The following BLNK variants were observed in gnomAD, a reference collection of about 807,000 sequenced individuals.
The protein encoded by BLNK is B cell linker, also known as B-cell linker protein.
A neutral mutation model predicts 73.5 loss-of-function variants in BLNK; 29 were observed. That is an observed-to-expected ratio of 0.39 (90% CI 0.29 to 0.54). BLNK has a LOEUF of 0.54. Among genes scored for constraint, BLNK ranks in the 20% least tolerant of loss-of-function variants. BLNK has a pLI of 0.61. For missense variants in BLNK, 460 were observed against 562.8 expected, an observed-to-expected ratio of 0.82 and a Z score of 1.85; for synonymous variants, 176 against 200.8, an observed-to-expected ratio of 0.88 and a Z score of 1.04.
At chr10:96,224,984 C>T (rs1341856161) in intron 5 of BLNK, among the ~76,000 whole-genome samples, 1 of 152,150 alleles carries the variant, frequency 6.6e-6, no homozygotes, top group African/African-American at 2.4e-5. Context: ...AGGCATGAGC[C>T]ACCACGCCTG....
At chr10:96,218,805 T>A (rs986312057) in intron 6 of BLNK, among the ~76,000 whole-genome samples, 3 of 152,178 alleles carry the variant, frequency 2.0e-5, no homozygotes, top group Non-Finnish European at 4.4e-5. Context: ...CTGTCTTATC[T>A]ATCCTCTCTT....
Position 96,227,231 on chromosome 10 carries a change from C to A in BLNK, c.361+179G>T, listed in dbSNP as rs138032141. 5.8e-3 allele frequency among the ~76,000 whole-genome samples: 883 copies of A among 152,336 alleles called. 6 individuals carry two copies. The highest frequency in any genetic ancestry group is 0.031 in the Middle Eastern group (9 of 294). On this transcript the variant is annotated intron_variant, in intron 5 of 16. Transcript: ENST00000224337. ...GCCTCTTCCCCTGGAATGGGAAAGC[C>A]CTACAGCTTGGGATCCTTTACCTCG...
At chr10:96,228,825 C>A (rs1160502790) in intron 4 of BLNK, among the ~76,000 whole-genome samples, 1 of 152,240 alleles carries the variant, frequency 6.6e-6, no homozygotes, top group African/African-American at 2.4e-5. Context: ...ACCGCCCTCA[C>A]ACTCTGCCTA....
chr10:96,206,824 C>T (rs1430685685), intron 11 of BLNK, among the ~76,000 whole-genome samples, 187 bp downstream of exon 11: 1 of 152,248 alleles, frequency 6.6e-6, no homozygotes, highest in Non-Finnish European at 1.5e-5. Flanking sequence ...CTGTAGCCTA[C>T]TCTAAACATG....
At chr10:96,206,775 T>A (rs782184558) in intron 11 of BLNK, among the ~76,000 whole-genome samples, 20 of 152,222 alleles carry the variant, frequency 1.3e-4, no homozygotes, top group Admixed American at 2.6e-4. Context: ...GCCTGGCAAG[T>A]CATATCTGTC....
At chr10:96,241,687 C>A (rs587736017) in intron 3 of BLNK, among the ~76,000 whole-genome samples, 173 of 152,046 alleles carry the variant, frequency 1.1e-3, no homozygotes, top group South Asian at 2.1e-3. Flanking sequence ...TTCCACCCAA[C>A]TTTGTGCTTC....
chr10:96,268,828 T>A (rs1844135670), intron 1 of BLNK, among the ~76,000 whole-genome samples: 1 of 152,182 alleles, frequency 6.6e-6, no homozygotes, highest in African/African-American at 2.4e-5. Context: ...ACACTCACTG[T>A]CCTTCTATTT....
intron 9 of BLNK, among the ~76,000 whole-genome samples, chr10:96,208,357 G>A (rs1261678484): frequency 6.6e-6 from 1 of 152,180 alleles, no homozygotes; most frequent in Admixed American, 6.5e-5. Context: ...CAGCAGGTGA[G>A]GTTGCAGCTG....
chr10:96,198,445 A>C (rs1156264641), intron 15 of BLNK, among the ~76,000 whole-genome samples: 1 of 152,234 alleles, frequency 6.6e-6, no homozygotes, highest in Non-Finnish European at 1.5e-5. Context: ...ATTGATTTGG[A>C]ATTATCAACT....
At chr10:96,226,772 G>A (rs1368258652) in intron 5 of BLNK, among the ~76,000 whole-genome samples, 1 of 151,900 alleles carries the variant, frequency 6.6e-6, no homozygotes, top group African/African-American at 2.4e-5. Context: ...GGAGGCAGAG[G>A]TTGCAGTGAA....
At chr10:96,269,376 G>T (rs1554914968) in intron 1 of BLNK, among the ~76,000 whole-genome samples, 2 of 144,542 alleles carry the variant, frequency 1.4e-5, no homozygotes, top group African/African-American at 5.7e-5. Flanking sequence ...CCCTGAAAGA[G>T]AATGCATTTC....
intron 3 of BLNK, among the ~76,000 whole-genome samples, chr10:96,235,610 C>T (rs2134059023): frequency 6.6e-6 from 1 of 152,276 alleles, no homozygotes; most frequent in African/African-American, 2.4e-5. Flanking sequence ...GTCCCCACAC[C>T]TGGAATCATT....
chr10:96,204,039 T>C lies in BLNK; in HGVS notation c.934+18A>G. The C allele has an allele frequency of 6.2e-7, 1 of 1,609,240 alleles. No homozygotes were observed. The highest frequency in any genetic ancestry group is 1.7e-5 in the Admixed American group (1 of 60,008). On this transcript the variant is annotated intron_variant, in intron 13 of 16. Transcript: ENST00000224337. ...CTCGACCACTCCCTGATACACTACATGGCTTCGTTGTACTTACTTGGCAGA... is the reference window on the plus strand; with the variant it reads ...CTCGACCACTCCCTGATACACTACACGGCTTCGTTGTACTTACTTGGCAGA...
At chr10:96,220,312 C>T (rs2084167439) in intron 6 of BLNK, among the ~76,000 whole-genome samples, 1 of 152,150 alleles carries the variant, frequency 6.6e-6, no homozygotes, top group African/African-American at 2.4e-5. Context: ...ACGACGAACC[C>T]CAGGTATTTA....
At chr10:96,201,381 C>A (rs1467940980) in intron 13 of BLNK, among the ~76,000 whole-genome samples, 3 of 152,154 alleles carry the variant, frequency 2.0e-5, no homozygotes, top group Non-Finnish European at 2.9e-5. Context: ...GTTGCAGTAA[C>A]ATACATTAAA....
intron 1 of BLNK, among the ~76,000 whole-genome samples, chr10:96,251,814 A>G (rs934097896): frequency 7.9e-5 from 12 of 152,186 alleles, no homozygotes; most frequent in Admixed American, 7.9e-4. Context: ...GTCACACTGT[A>G]GTAGTGTGAC....
At chr10:96,228,487 C>T (rs1288589684) in intron 4 of BLNK, among the ~76,000 whole-genome samples, 1 of 152,134 alleles carries the variant, frequency 6.6e-6, no homozygotes, top group Non-Finnish European at 1.5e-5. Context: ...AAACTCCTGA[C>T]CTCAGGTGAT....
intron 4 of BLNK, among the ~76,000 whole-genome samples, chr10:96,228,548 C>T (rs782229201): frequency 5.9e-5 from 9 of 152,150 alleles, no homozygotes; most frequent in African/African-American, 9.7e-5. Context: ...TGAGCCACTG[C>T]GCCTGGCCTG....
At chr10:96,239,767 T>C (rs587686996) in intron 3 of BLNK, among the ~76,000 whole-genome samples, 1 of 152,064 alleles carries the variant, frequency 6.6e-6, no homozygotes, top group Non-Finnish European at 1.5e-5. Flanking sequence ...GAATAATAGA[T>C]GGATGCTACC....
Sources: gnomAD v4.1 joint callset for allele counts (sites outside exome capture counted in the v4.1 genomes callset) on GRCh38, gnomAD v4.1.1 for gene constraint, MANE v1.5 for transcripts, NCBI Gene and HGNC (gene_info 2026-07-23, HGNC 2026-07-21) for gene names.